Variants in PDE4DIP observed in about 807,000 individuals in gnomAD.
PDE4DIP encodes the protein phosphodiesterase 4D interacting protein, also known as myomegalin.
Under a neutral mutation model 221.4 loss-of-function variants are expected in PDE4DIP, and 59 were observed. The observed-to-expected ratio is 0.27, with a 90% CI of 0.22 to 0.33. PDE4DIP has a LOEUF of 0.33. Ranked by LOEUF, PDE4DIP falls within the 10% of genes least tolerant of loss-of-function variation. The pLI is 1.00. For synonymous variants in PDE4DIP, 404 were observed against 815.9 expected (o/e 0.50, Z 8.60); for missense variants, 1,036 against 2,154.2 (o/e 0.48, Z 10.28).
In PDE4DIP at chr1:148,889,645, G is replaced by A. The variant is rs375860747; in HGVS notation, c.-109G>A. 14 of 1,198,186 alleles carry A rather than the reference G, an allele frequency of 1.2e-5. 3 individuals are homozygous for A. The highest frequency in any genetic ancestry group is 3.1e-5 in the South Asian group (2 of 63,900). 74.2% of individuals were successfully genotyped at this position (1,198,186 alleles called of 1,614,324 possible). A position where few individuals can be genotyped will look rare whatever the true frequency, so the allele number is the denominator to read the frequency against. On this transcript the variant is annotated 5_prime_UTR_variant, in exon 1 of 44. Transcript: ENST00000369354. ...CGCCGTAGCCCCAGCCTCTCGGTCC[G>A]CAGCCTCAGCAGCGTCCCAGCCGGC...
exon 24 of PDE4DIP, chr1:149,001,606 C>G (rs1199619270): frequency 6.2e-7 from 1 of 1,607,038 alleles, no homozygotes; most frequent in Non-Finnish European, 8.5e-7. Flanking sequence ...CCATGCTGAG[C>G]CTTTGCCTTG....
chr1:148,975,418 G>A (rs587594184), intron 17 of PDE4DIP, among the ~76,000 whole-genome samples: 16 of 148,382 alleles, frequency 1.1e-4, no homozygotes, highest in South Asian at 8.9e-4. Context: ...TATTATAGAC[G>A]AAGAAGCTGA....
intron 5 of PDE4DIP, among the ~76,000 whole-genome samples, chr1:148,941,046 A>G (rs587760055): frequency 2.1e-5 from 2 of 95,618 alleles, no homozygotes; most frequent in South Asian, 4.3e-4. Context: ...CACCCCCACA[A>G]AATTTCAAAA....
intron 4 of PDE4DIP, among the ~76,000 whole-genome samples, chr1:148,933,794 A>G (rs2048596389): frequency 6.6e-6 from 1 of 152,044 alleles, no homozygotes; most frequent in South Asian, 2.1e-4. Flanking sequence ...AAAGCCTTTT[A>G]TGATGTAACC....
intron 1 of PDE4DIP, 168 bp from the exon 1 acceptor site, chr1:148,844,260 C>T (rs1675815337): frequency 6.4e-6 from 1 of 156,950 alleles, no homozygotes; most frequent in Admixed American, 7.4e-5. Flanking sequence ...TCTCTGCCCT[C>T]TGCCGTCATC....
At chr1:148,998,268 G>A (rs782507477) in exon 23 of PDE4DIP, 1 of 1,613,050 alleles carries the variant, frequency 6.2e-7, no homozygotes, top group Non-Finnish European at 8.5e-7. Flanking sequence ...TCCACCTGAG[G>A]GCTGAGTTCC....
intron 2 of PDE4DIP, chr1:148,866,606 AAGGG>A (rs1553407948): frequency 2.4e-3 from 45 of 19,058 alleles, no homozygotes; most frequent in African/African-American, 6.8e-3. Context: ...GGAAGGAAGG[AAGGG>A]AGGGAGGGAG....
chr1:148,932,979 A>G (rs1235461702), intron 4 of PDE4DIP, among the ~76,000 whole-genome samples: 4 of 152,164 alleles, frequency 2.6e-5, no homozygotes, highest in African/African-American at 4.8e-5. Context: ...CACCGTTATG[A>G]GCCAGAGTGT....
rs145008547 is a variant in PDE4DIP, at chr1:148,979,988, G to A, written c.2687+139G>A. 66 of 1,157,802 alleles carry A rather than the reference G, an allele frequency of 5.7e-5. No homozygotes were observed. The Admixed American group carries it at 6.3e-4, about 11-fold the overall frequency. 71.7% of individuals were successfully genotyped at this position (1,157,802 alleles called of 1,614,324 possible). ...GGGAGAAAAAAGAGGGACAATTACC[G>A]GGGCTACCCACTTTGTCATTTGTTT... is the stretch of plus-strand genomic sequence containing the variant. On this transcript the variant is annotated intron_variant, in intron 20 of 43. Transcript: ENST00000369354.
At chr1:148,877,344 T>G (rs10910690) in intron 3 of PDE4DIP, among the ~76,000 whole-genome samples, 135 of 146,742 alleles carry the variant, frequency 9.2e-4, no homozygotes, top group Admixed American at 1.6e-3. Flanking sequence ...GCCTATTGCC[T>G]TCTTTATAAC....
At position 148,840,338 on chromosome 1, in the gene PDE4DIP, T is replaced by TA. The variant is rs1197786369; in HGVS notation, c.234-22912_234-22911insA. Among the ~76,000 whole-genome samples, 6 of 85,116 alleles carry TA rather than the reference T, an allele frequency of 7.0e-5. 1 individual carries two copies. The highest frequency in any genetic ancestry group is 5.0e-4 in the South Asian group (1 of 2,012). 55.8% of individuals were successfully genotyped at this position (85,116 alleles called of 152,430 possible). A position where few individuals can be genotyped will look rare whatever the true frequency, so the allele number is the denominator to read the frequency against. On this transcript the variant is annotated intron_variant, in intron 1 of 45. Coordinates refer to the PDE4DIP transcript ENST00000524974. ...ATTTGAGTTCTTTTTATTTATTTTT[T>TA]TTTTTGAGACGGAATCTCGCTGTCG...
intron 21 of PDE4DIP, chr1:148,983,638 C>A (rs2061457145): frequency 1.3e-5 from 2 of 152,420 alleles, no homozygotes; most frequent in South Asian, 4.1e-4. Flanking sequence ...TTGGACACAT[C>A]ATTTAATAAT....
At chr1:148,946,531 A>C (rs1241207071) in intron 5 of PDE4DIP, among the ~76,000 whole-genome samples, 7 of 133,572 alleles carry the variant, frequency 5.2e-5, no homozygotes, top group Non-Finnish European at 9.9e-5. Flanking sequence ...CAAGAGCAAG[A>C]CTTCGTCTCA....
intron 5 of PDE4DIP, chr1:148,952,008 C>G: frequency 4.1e-6 from 4 of 980,984 alleles, no homozygotes; most frequent in South Asian, 4.8e-5. Context: ...GCAGCGGTAC[C>G]TAGCGGCGCT....
At chr1:148,971,432 T>A (rs1210703331) in intron 14 of PDE4DIP, among the ~76,000 whole-genome samples, 3 of 149,030 alleles carry the variant, frequency 2.0e-5, no homozygotes, top group Admixed American at 1.3e-4. Context: ...TGCTGGGTTT[T>A]AAAAAAAATT....
intron 19 of PDE4DIP, 119 bp from the exon 23 acceptor site, chr1:148,979,618 G>A (rs1322436333): frequency 2.5e-6 from 2 of 798,918 alleles, no homozygotes; most frequent in Non-Finnish European, 4.1e-6. Flanking sequence ...AGTATCAAAA[G>A]CTTAAGTACT....
chr1:149,005,304 T>C lies in PDE4DIP; in HGVS notation c.4282T>C (p.Tyr1428His), dbSNP rs373229564. The stretch of plus-strand genomic sequence containing the variant: ...GCTGTCTGATGGCACTGGGGCTTTC[T>C]ACTCTCCAGGGCTTCAGGCCAAAAA... Residue 1428 changes from tyrosine (Y) to histidine (H), a missense_variant, in exon 27 of 44, where the codon TAC (tyrosine) becomes CAC (histidine). Physicochemically the swap from Tyr to His is moderately conservative, Grantham distance 83 (BLOSUM62 2). Transcript: ENST00000369354. 18 of 1,601,096 alleles carry C rather than the reference T, an allele frequency of 1.1e-5. No homozygotes were observed. In the African/African-American group the frequency reaches 2.0e-4, roughly 18 times the overall value.
intron 21 of PDE4DIP, chr1:148,983,812 A>G (rs782295171): frequency 6.6e-6 from 1 of 152,458 alleles, no homozygotes; most frequent in African/African-American, 2.4e-5. Context: ...TCAAATAAAA[A>G]TAATGAAGTA....
intron 4 of PDE4DIP, among the ~76,000 whole-genome samples, chr1:148,934,338 A>T (rs1295205323): frequency 6.6e-6 from 1 of 152,074 alleles, no homozygotes; most frequent in East Asian, 1.9e-4. Context: ...TGAACTAAAA[A>T]CCAAAACAAA....
Sources: allele counts gnomAD v4.1 joint callset (sites outside exome capture counted in the v4.1 genomes callset), GRCh38; gene constraint gnomAD v4.1.1; transcripts MANE v1.5; gene names NCBI Gene and HGNC (gene_info 2026-07-23, HGNC 2026-07-21).